The following USH2A variants were observed in gnomAD, a reference collection of about 807,000 sequenced individuals.
USH2A encodes usherin.
A neutral mutation model predicts 538.9 loss-of-function variants in USH2A; 443 were observed. The ratio of observed to expected loss-of-function variants is 0.82; its 90% CI spans 0.76 to 0.89. USH2A has a LOEUF of 0.89. Among genes scored for constraint, USH2A ranks in the 40% least tolerant of loss-of-function variants. The pLI is 0.00. For missense variants in USH2A, 6,633 were observed against 6,324.8 expected (o/e 1.05, Z -1.65); for synonymous variants, 2,413 against 2,273.5 (o/e 1.06, Z -1.75).
Position 215,890,312 on chromosome 1 carries a change from G to A in USH2A, c.7595-1258C>T, listed in dbSNP as rs1382856222. ...AAAACAGCGTTGATCTTGTGAGTGT[G>A]TGTATGCGATTCAGTGTTACAAAGA... On this transcript the variant is annotated intron_variant, in intron 40 of 71. Transcript: ENST00000307340. Among the ~76,000 whole-genome samples, 5 of 152,314 alleles carry A rather than the reference G, an allele frequency of 3.3e-5. No individual in the cohort carries two copies. The East Asian group carries it at 9.6e-4, about 29-fold the overall frequency.
intron 60 of USH2A, among the ~76,000 whole-genome samples, chr1:215,729,781 CTACT>C (rs1203888509): frequency 6.6e-6 from 1 of 152,140 alleles, no homozygotes; most frequent in Non-Finnish European, 1.5e-5. Flanking sequence ...CAGATGTGTG[CTACT>C]AGGCCTGGCT....
intron 61 of USH2A, among the ~76,000 whole-genome samples, chr1:215,708,485 C>G (rs73082819): frequency 0.02 from 3,014 of 152,212 alleles, 96 homozygotes; most frequent in African/African-American, 0.069. Context: ...AGCAGTGATC[C>G]CCAACCTTTT....
chr1:216,078,854 A>G (rs1042063121), intron 26 of USH2A, among the ~76,000 whole-genome samples: 3 of 152,136 alleles, frequency 2.0e-5, no homozygotes, highest in African/African-American at 7.2e-5. Flanking sequence ...AGTGAACTCA[A>G]TTTCAAATAT....
intron 21 of USH2A, among the ~76,000 whole-genome samples, chr1:216,161,755 T>G (rs1195963059): frequency 6.6e-6 from 1 of 152,106 alleles, no homozygotes; most frequent in Admixed American, 6.6e-5. Context: ...ATTTTATCAT[T>G]TTTGATGGAT....
intron 50 of USH2A, among the ~76,000 whole-genome samples, chr1:215,790,667 G>A (rs373585088): frequency 1.3e-4 from 20 of 152,318 alleles, no homozygotes; most frequent in Middle Eastern, 6.8e-3. Flanking sequence ...AAATTCATAA[G>A]GGAGAAAAGG....
intron 21 of USH2A, among the ~76,000 whole-genome samples, chr1:216,105,232 C>G (rs900801551): frequency 6.6e-6 from 1 of 151,994 alleles, no homozygotes; most frequent in Non-Finnish European, 1.5e-5. Flanking sequence ...TTACCAACAC[C>G]AAGATGATCA....
At chr1:215,799,266 C>CA in intron 49 of USH2A, 141 bp from the exon 50 acceptor site, 1 of 1,024,012 alleles carries the variant, frequency 9.8e-7, no homozygotes, top group Non-Finnish European at 1.4e-6. Flanking sequence ...ATTGGAGTTG[C>CA]AAAATTTCCA....
chr1:216,342,827 G>C (rs1335335815), intron 4 of USH2A, among the ~76,000 whole-genome samples: 2 of 151,962 alleles, frequency 1.3e-5, no homozygotes, highest in Non-Finnish European at 2.9e-5. Context: ...ATACACACCA[G>C]GGCCTTTCAG....
At position 215,772,493 on chromosome 1, in the gene USH2A, A is replaced by G. The variant is rs370214487; in HGVS notation, c.10940-5705T>C. Among the ~76,000 whole-genome samples, 20 of 152,330 alleles carry G rather than the reference A, an allele frequency of 1.3e-4. No individual in the cohort carries two copies. In the South Asian group the frequency reaches 3.1e-3, roughly 24 times the overall value. ...ATGTTCTTTTTTAAAGGAAAGAAGC[A>G]TAATATAACCAAACTCATTACAATT... On this transcript the variant is annotated intron_variant, in intron 55 of 71. Coordinates refer to ENST00000307340, the MANE Select transcript of USH2A (RefSeq NM_206933.4).
chr1:216,376,462 T>C (rs1235658648), intron 3 of USH2A, among the ~76,000 whole-genome samples: 2 of 143,184 alleles, frequency 1.4e-5, no homozygotes, highest in Non-Finnish European at 3.1e-5. Context: ...CCAAGCCTTC[T>C]ATTGATCCTG....
chr1:215,675,658 A>T, intron 62 of USH2A, 42 bp from the exon 63 acceptor site: 2 of 1,613,688 alleles, frequency 1.2e-6, no homozygotes, highest in South Asian at 1.1e-5. Context: ...TGCAGCATAC[A>T]ATTTCTTTGT....
intron 35 of USH2A, among the ~76,000 whole-genome samples, chr1:215,971,521 CA>C (rs1324406363): frequency 6.6e-6 from 1 of 151,890 alleles, no homozygotes; most frequent in Non-Finnish European, 1.5e-5. Flanking sequence ...TTTGGGAGGC[CA>C]AAGCAGAAGG....
At position 215,998,925 on chromosome 1, in the gene USH2A, ATTG is replaced by A; in HGVS notation, c.6616_6618del (p.Gln2206del). On this transcript the variant is annotated inframe_deletion, in exon 34 of 72. Coordinates refer to ENST00000307340, the MANE Select transcript of USH2A (RefSeq NM_206933.4). Reference sequence around the variant, plus strand: ...AGATATTTATTACCAGGTAAAACGTATTGTAGCATATGATCCTGGAAAAGTTCT... The same window carrying A: ...AGATATTTATTACCAGGTAAAACGTATAGCATATGATCCTGGAAAAGTTCT... 6.2e-7 allele frequency: 1 copy of A among 1,613,348 alleles called. No homozygotes were observed. Among genetic ancestry groups the A allele is most frequent in the Non-Finnish European group, 8.5e-7 (1 of 1,179,554 alleles).
intron 37 of USH2A, among the ~76,000 whole-genome samples, chr1:215,961,971 G>T (rs1410339688): frequency 6.6e-6 from 1 of 151,824 alleles, no homozygotes. Context: ...AATATATAAA[G>T]AACTTCTTAA....
At chr1:215,698,119 T>C (rs549515294) in intron 61 of USH2A, among the ~76,000 whole-genome samples, 108 of 152,318 alleles carry the variant, frequency 7.1e-4, no homozygotes, top group Admixed American at 1.4e-3. Context: ...AGAATGATGG[T>C]TTCCAGCTTC....
chr1:216,422,495 C>G lies in USH2A; in HGVS notation c.-159G>C, dbSNP rs886045955. 2 of 1,018,560 alleles carry G rather than the reference C, an allele frequency of 2.0e-6. No individual in the cohort carries two copies. Among genetic ancestry groups the G allele is most frequent in the Non-Finnish European group, 2.8e-6 (2 of 701,778 alleles). 63.1% of individuals were successfully genotyped at this position (1,018,560 alleles called of 1,614,324 possible). A position where few individuals can be genotyped will look rare whatever the true frequency, so the allele number is the denominator to read the frequency against. ...ACACGTTCTCAGAGTAAGGTAATAC[C>G]AACGACGTTCTTAGCAATGGCGAAG... is the stretch of plus-strand genomic sequence containing the variant. On this transcript the variant is annotated 5_prime_UTR_variant, in exon 2 of 72. Coordinates refer to ENST00000307340, the MANE Select transcript of USH2A (RefSeq NM_206933.4).
intron 46 of USH2A, 112 bp downstream of exon 46, chr1:215,844,182 C>G: frequency 8.7e-7 from 1 of 1,154,944 alleles, no homozygotes. Flanking sequence ...TTCCCTTCCC[C>G]ACCAAAGAAA....
At chr1:215,880,743 A>G (rs1419699419) in intron 41 of USH2A, among the ~76,000 whole-genome samples, 1 of 152,212 alleles carries the variant, frequency 6.6e-6, no homozygotes, top group East Asian at 1.9e-4. Flanking sequence ...TCTGAAGAAT[A>G]CGGCTTTCTT....
At chr1:216,123,662 A>C (rs770625068) in intron 21 of USH2A, among the ~76,000 whole-genome samples, 56 of 152,128 alleles carry the variant, frequency 3.7e-4, no homozygotes, top group Non-Finnish European at 7.8e-4. Context: ...ACCAGTTGCT[A>C]TAGTTTTATG....
Sources: allele counts gnomAD v4.1 joint callset (sites outside exome capture counted in the v4.1 genomes callset), GRCh38; gene constraint gnomAD v4.1.1; transcripts MANE v1.5; gene names NCBI Gene and HGNC (gene_info 2026-07-23, HGNC 2026-07-21).